STX18: variants seen among roughly 807,000 people sequenced by gnomAD.
STX18 encodes syntaxin 18, also known as syntaxin-18.
In STX18, 40 loss-of-function variants were observed where a neutral mutation model predicts 50.1. That is an observed-to-expected ratio of 0.80 (90% CI 0.62 to 1.04). The LOEUF is 1.04. Ranked by LOEUF, STX18 falls within the 50% of genes least tolerant of loss-of-function variation. STX18 has a pLI of 0.00. For missense variants in STX18, 410 were observed against 415.8 expected, an observed-to-expected ratio of 0.99 and a Z score of 0.12; for synonymous variants, 158 against 151.8, an observed-to-expected ratio of 1.04 and a Z score of -0.30.
chr4:4,540,857 G>T (rs1451174172), intron 1 of STX18, among the ~76,000 whole-genome samples: 1 of 152,188 alleles, frequency 6.6e-6, no homozygotes, highest in African/African-American at 2.4e-5. Flanking sequence ...TGTATGCCAA[G>T]CAGAGAAGGA....
rs748591147 is a variant in STX18, at chr4:4,541,973, G to C, written c.-9C>G. ...GTGATGTCCACCGCCATAGCGACCC[G>C]CACCCTCAGCCCCACACTAGGCCCG... is the stretch of plus-strand genomic sequence containing the variant. On this transcript the variant is annotated 5_prime_UTR_variant, in exon 1 of 11. Coordinates refer to ENST00000306200, the MANE Select transcript of STX18 (RefSeq NM_016930.4). The C allele has an allele frequency of 3.1e-6, 5 of 1,595,348 alleles. 1 individual carries two copies. The South Asian group carries it at 4.5e-5, about 14-fold the overall frequency.
Position 4,419,501 on chromosome 4 carries a change from A to G in STX18, c.*533T>C, listed in dbSNP as rs1460737931. The G allele has an allele frequency of 6.6e-6, 1 of 152,634 alleles. No individual in the cohort carries two copies. The highest frequency in any genetic ancestry group is 6.5e-5 in the Admixed American group (1 of 15,332). The allele number at this position is 152,634 out of a possible 1,614,324, so 9.5% of individuals were successfully genotyped here. A position where few individuals can be genotyped will look rare whatever the true frequency, so the allele number is the denominator to read the frequency against. On this transcript the variant is annotated 3_prime_UTR_variant, in exon 11 of 11. Coordinates refer to ENST00000306200, the MANE Select transcript of STX18 (RefSeq NM_016930.4). ...AAGGGGCTGTAATTATATTTATTAG[A>G]TTAACAAGGCAGATGTGAATTTTCT...
At chr4:4,421,225 G>T (rs144167790) in intron 9 of STX18, among the ~76,000 whole-genome samples, 1 of 152,120 alleles carries the variant, frequency 6.6e-6, no homozygotes, top group African/African-American at 2.4e-5. Context: ...CAAGAAGTAG[G>T]TATTACCTCT....
At chr4:4,455,963 T>C (rs981696304) in intron 5 of STX18, among the ~76,000 whole-genome samples, 5 of 152,206 alleles carry the variant, frequency 3.3e-5, no homozygotes, top group African/African-American at 9.6e-5. Context: ...CAGAGAGTAG[T>C]GCTGGGGACC....
At chr4:4,452,173 A>G (rs1726787583) in intron 5 of STX18, among the ~76,000 whole-genome samples, 1 of 152,220 alleles carries the variant, frequency 6.6e-6, no homozygotes, top group African/African-American at 2.4e-5. Context: ...GAAGGCTAAG[A>G]AAGGTGAGGA....
chr4:4,469,312 A>T (rs1274698681), intron 2 of STX18, among the ~76,000 whole-genome samples: 1 of 152,204 alleles, frequency 6.6e-6, no homozygotes, highest in Non-Finnish European at 1.5e-5. Context: ...AAAATATGTG[A>T]CAGAAACCAT....
intron 3 of STX18, 79 bp from the exon 4 acceptor site, chr4:4,457,579 T>C: frequency 9.5e-7 from 1 of 1,054,416 alleles, no homozygotes; most frequent in Non-Finnish European, 1.4e-6. Context: ...CTCACAACAC[T>C]TTCTTTATTG....
At chr4:4,541,661 A>T in intron 1 of STX18, 136 bp downstream of exon 1, 1 of 927,410 alleles carries the variant, frequency 1.1e-6, no homozygotes, top group African/African-American at 1.8e-5. Context: ...AGGGTCTCTG[A>T]GGCCAACTCT....
At chr4:4,522,916 G>A (rs1730578442) in intron 1 of STX18, among the ~76,000 whole-genome samples, 1 of 152,238 alleles carries the variant, frequency 6.6e-6, no homozygotes, top group Non-Finnish European at 1.5e-5. Flanking sequence ...CAGCAGCTAT[G>A]TGAGTGCAGA....
At chr4:4,423,042 G>A (rs927819603) in intron 9 of STX18, among the ~76,000 whole-genome samples, 4 of 152,222 alleles carry the variant, frequency 2.6e-5, no homozygotes, top group African/African-American at 4.8e-5. Flanking sequence ...TGGACCGCGC[G>A]TTGTGAGAGG....
chr4:4,476,973 G>T (rs1728207438), intron 1 of STX18, among the ~76,000 whole-genome samples: 1 of 152,160 alleles, frequency 6.6e-6, no homozygotes, highest in African/African-American at 2.4e-5. Context: ...GCTGAGGCGG[G>T]CGGGTCACCT....
chr4:4,496,914 G>T (rs539346546), intron 1 of STX18, among the ~76,000 whole-genome samples: 1 of 152,334 alleles, frequency 6.6e-6, no homozygotes, highest in South Asian at 2.1e-4. Context: ...TCAAGGAGGT[G>T]GGGAGAACTC....
intron 5 of STX18, among the ~76,000 whole-genome samples, chr4:4,445,484 A>C (rs1168021434): frequency 6.6e-6 from 1 of 152,168 alleles, no homozygotes; most frequent in Non-Finnish European, 1.5e-5. Flanking sequence ...CATGTGAATT[A>C]ATCAAAGTTG....
Position 4,424,846 on chromosome 4 carries a change from C to T in STX18, c.761+318G>A, listed in dbSNP as rs560320246. Among the ~76,000 whole-genome samples, 3 of 152,232 alleles carry T rather than the reference C, an allele frequency of 2.0e-5. No individual in the cohort carries two copies. The South Asian group carries it at 6.2e-4, about 32-fold the overall frequency. On this transcript the variant is annotated intron_variant, in intron 8 of 10. Transcript: ENST00000306200. ...TAAGGGCCCCATTTCATTTCAGAGT[C>T]GCTGCGTGGAAACAGCCCGAATGGT...
chr4:4,533,915 T>C (rs928982053), intron 1 of STX18, among the ~76,000 whole-genome samples: 6 of 152,192 alleles, frequency 3.9e-5, no homozygotes, highest in Admixed American at 1.3e-4. Context: ...ACATGTGATA[T>C]AATCATTAAC....
intron 1 of STX18, among the ~76,000 whole-genome samples, chr4:4,512,128 C>A (rs975554234): frequency 2.9e-4 from 44 of 152,134 alleles, no homozygotes; most frequent in African/African-American, 1.1e-3. Flanking sequence ...ATGGGAACGG[C>A]AAGGATACAG....
chr4:4,466,660 C>T (rs750078481), intron 2 of STX18, among the ~76,000 whole-genome samples: 5 of 152,098 alleles, frequency 3.3e-5, no homozygotes, highest in Non-Finnish European at 7.4e-5. Flanking sequence ...AGGTGCTGGG[C>T]GAGCAGGACA....
At chr4:4,452,785 CT>C (rs1223047625) in intron 5 of STX18, among the ~76,000 whole-genome samples, 6 of 152,296 alleles carry the variant, frequency 3.9e-5, no homozygotes, top group African/African-American at 1.4e-4. Flanking sequence ...AATTGAAAAC[CT>C]TCTGAAAAGG....
intron 1 of STX18, among the ~76,000 whole-genome samples, chr4:4,484,038 A>AT (rs1728586089): frequency 6.6e-6 from 1 of 151,700 alleles, no homozygotes; most frequent in African/African-American, 2.4e-5. Context: ...ATTTTTTTGT[A>AT]TTTTTAGTAG....
Sources: gnomAD v4.1 joint callset for allele counts (sites outside exome capture counted in the v4.1 genomes callset) on GRCh38, gnomAD v4.1.1 for gene constraint, MANE v1.5 for transcripts, NCBI Gene and HGNC (gene_info 2026-07-23, HGNC 2026-07-21) for gene names.